The following POFUT3 variants were observed in gnomAD, a reference collection of about 807,000 sequenced individuals.
POFUT3 encodes protein O-fucosyltransferase 3, also known as GDP-fucose protein O-fucosyltransferase 3.
chr8:33,365,187 G>A, the POFUT3 span, among the ~76,000 whole-genome samples: 1 of 152,130 alleles, frequency 6.6e-6, no homozygotes. Context: ...AAATGGTGCT[G>A]GGAAAACTGG....
At chr8:33,473,006 G>T in the POFUT3 span, 1 of 152,444 alleles carries the variant, frequency 6.6e-6, no homozygotes, top group Non-Finnish European at 1.5e-5. Flanking sequence ...TCAGCATCAA[G>T]CCCCTACCCC....
At chr8:33,461,147 T>G in the POFUT3 span, among the ~76,000 whole-genome samples, 1 of 122,038 alleles carries the variant, frequency 8.2e-6, no homozygotes. Flanking sequence ...AGAGTGGTAC[T>G]GTGTCGAAAG....
the POFUT3 span, among the ~76,000 whole-genome samples, chr8:33,415,778 T>C: frequency 6.6e-6 from 1 of 152,170 alleles, no homozygotes; most frequent in South Asian, 2.1e-4. Flanking sequence ...AACACTTCCC[T>C]TCAGAAACTG....
chr8:33,324,112 T>C, the POFUT3 span, among the ~76,000 whole-genome samples: 1 of 152,102 alleles, frequency 6.6e-6, no homozygotes, highest in African/African-American at 2.4e-5. Context: ...GAGGTTTCCA[T>C]CCCAGTCAGC....
At chr8:33,328,869 G>A in the POFUT3 span, among the ~76,000 whole-genome samples, 15 of 152,132 alleles carry the variant, frequency 9.9e-5, no homozygotes, top group Admixed American at 5.9e-4. Context: ...AAGGGAGAGG[G>A]CATTCTCTAA....
chr8:33,397,239 G>T, the POFUT3 span, among the ~76,000 whole-genome samples: 1 of 152,180 alleles, frequency 6.6e-6, no homozygotes, highest in Non-Finnish European at 1.5e-5. Flanking sequence ...CAATATCCAA[G>T]CACGAAACAA....
chr8:33,423,785 G>A, the POFUT3 span, among the ~76,000 whole-genome samples: 1 of 121,134 alleles, frequency 8.3e-6, no homozygotes, highest in South Asian at 2.8e-4. Context: ...GTCCATAACT[G>A]AGAAGGGTCT....
At chr8:33,361,906 A>G in the POFUT3 span, among the ~76,000 whole-genome samples, 3 of 152,108 alleles carry the variant, frequency 2.0e-5, no homozygotes, top group African/African-American at 7.2e-5. Context: ...CAATTTTCAA[A>G]TTTAAAAAAA....
chr8:33,440,976 A>G, the POFUT3 span, among the ~76,000 whole-genome samples: 7 of 152,164 alleles, frequency 4.6e-5, no homozygotes, highest in Non-Finnish European at 4.4e-5. Flanking sequence ...GTGCCCTAGA[A>G]CAATCTAGAT....
chr8:33,341,251 A>T, the POFUT3 span, among the ~76,000 whole-genome samples: 1 of 152,104 alleles, frequency 6.6e-6, no homozygotes, highest in South Asian at 2.1e-4. Flanking sequence ...TCTAGCCAAC[A>T]TAGTGAAACC....
At chr8:33,352,705 G>C in the POFUT3 span, among the ~76,000 whole-genome samples, 4 of 152,300 alleles carry the variant, frequency 2.6e-5, no homozygotes, top group African/African-American at 9.6e-5. Context: ...AATGGACAAT[G>C]AAAGCCCCCA....
chr8:33,330,316 T>C, the POFUT3 span, among the ~76,000 whole-genome samples: 132 of 152,136 alleles, frequency 8.7e-4, no homozygotes, highest in East Asian at 0.022. Flanking sequence ...TGGTGGCAGG[T>C]GCCTGTAATC....
the POFUT3 span, chr8:33,453,490 C>A: frequency 6.2e-7 from 1 of 1,610,030 alleles, no homozygotes; most frequent in Admixed American, 1.7e-5. Flanking sequence ...TCCTTTCAAA[C>A]TTCCCCAGCT....
the POFUT3 span, among the ~76,000 whole-genome samples, chr8:33,471,578 A>G: frequency 6.6e-6 from 1 of 152,186 alleles, no homozygotes; most frequent in Non-Finnish European, 1.5e-5. Flanking sequence ...TAAAGCATTT[A>G]AATATGGGTT....
the POFUT3 span, among the ~76,000 whole-genome samples, chr8:33,382,079 G>C: frequency 6.6e-6 from 1 of 152,090 alleles, no homozygotes; most frequent in South Asian, 2.1e-4. Context: ...CATTGCTTGA[G>C]CTAAGGACTT....
At chr8:33,455,212 C>A in the POFUT3 span, among the ~76,000 whole-genome samples, 1 of 152,066 alleles carries the variant, frequency 6.6e-6, no homozygotes, top group Non-Finnish European at 1.5e-5. Context: ...ACTGGGCTTC[C>A]ACTTACTCCC....
the POFUT3 span, among the ~76,000 whole-genome samples, chr8:33,384,726 T>C: frequency 0.038 from 5,833 of 151,880 alleles, 361 homozygotes; most frequent in African/African-American, 0.13. Flanking sequence ...GAGGCTAAGG[T>C]AGGAGAATCA....
chr8:33,400,697 TAA>T, the POFUT3 span, among the ~76,000 whole-genome samples: 314 of 152,326 alleles, frequency 2.1e-3, 2 homozygotes, highest in Middle Eastern at 0.01. Context: ...GAAAAAAATA[TAA>T]GTTAAATTGG....
At chr8:33,374,562 T>TA in the POFUT3 span, among the ~76,000 whole-genome samples, 3 of 152,138 alleles carry the variant, frequency 2.0e-5, no homozygotes, top group African/African-American at 4.8e-5. Context: ...CAAATATGAC[T>TA]AAAGAGAAAT....
Sources: allele counts gnomAD v4.1 joint callset (sites outside exome capture counted in the v4.1 genomes callset), GRCh38; gene constraint gnomAD v4.1.1; transcripts MANE v1.5; gene names NCBI Gene and HGNC (gene_info 2026-07-23, HGNC 2026-07-21).